FAM184B: variants seen among roughly 807,000 people sequenced by gnomAD.
FAM184B encodes the protein protein FAM184B.
A neutral mutation model predicts 135.9 loss-of-function variants in FAM184B; 111 were observed. The observed-to-expected ratio is 0.82, with a 90% CI of 0.70 to 0.96. The LOEUF is 0.96. Among genes scored for constraint, FAM184B ranks in the 40% least tolerant of loss-of-function variants. FAM184B has a pLI of 0.00. For missense variants in FAM184B, 1,375 were observed against 1,323.9 expected, an observed-to-expected ratio of 1.04 and a Z score of -0.60; for synonymous variants, 552 against 524.8, an observed-to-expected ratio of 1.05 and a Z score of -0.71.
chr4:17,712,151 G>A (rs146364578), intron 1 of FAM184B, among the ~76,000 whole-genome samples: 1 of 152,296 alleles, frequency 6.6e-6, no homozygotes, highest in Non-Finnish European at 1.5e-5. Flanking sequence ...GTTTTATTTG[G>A]TGGGTGTGAC....
chr4:17,652,825 T>C lies in FAM184B; in HGVS notation c.2191+5A>G. 1 of 1,550,364 alleles carries C rather than the reference T, an allele frequency of 6.5e-7. No individual in the cohort carries two copies. Among genetic ancestry groups the C allele is most frequent in the Non-Finnish European group, 8.7e-7 (1 of 1,146,554 alleles). On this transcript the variant is annotated splice_donor_5th_base_variant and intron_variant, in intron 11 of 17. Transcript: ENST00000265018. Reference sequence around the variant, plus strand: ...GCCCTCCTCAGTACACTATTGGGTGTATACCTAGCAGCAGGGCCTGCTGTG... The same window carrying C: ...GCCCTCCTCAGTACACTATTGGGTGCATACCTAGCAGCAGGGCCTGCTGTG...
At chr4:17,638,423 G>A (rs1029168644) in intron 14 of FAM184B, among the ~76,000 whole-genome samples, 10 of 151,636 alleles carry the variant, frequency 6.6e-5, no homozygotes, top group Middle Eastern at 3.4e-3. Context: ...GAACTCCTGG[G>A]CTCAAGCAGT....
At chr4:17,714,979 T>G (rs2108969309) in intron 1 of FAM184B, among the ~76,000 whole-genome samples, 1 of 152,172 alleles carries the variant, frequency 6.6e-6, no homozygotes, top group East Asian at 1.9e-4. Context: ...GTTCCTCCCC[T>G]CCCCTTCCCC....
At chr4:17,649,859 T>C (rs1435630016) in intron 11 of FAM184B, among the ~76,000 whole-genome samples, 1 of 125,290 alleles carries the variant, frequency 8.0e-6, no homozygotes, top group African/African-American at 2.6e-5. Context: ...CATCCATCCA[T>C]CCACCCACTC....
intron 6 of FAM184B, 48 bp from the exon 7 acceptor site, chr4:17,688,579 T>A: frequency 1.5e-6 from 2 of 1,355,916 alleles, no homozygotes; most frequent in African/African-American, 1.5e-5. Context: ...AGGTTCTACC[T>A]CCTCGATACA....
rs894081148 is a variant in FAM184B at position 17,688,502 on chromosome 4, T to C, written c.1518A>G (p.Gln506=). The C allele has an allele frequency of 6.4e-7, 1 of 1,550,910 alleles. No homozygotes were observed. The highest frequency in any genetic ancestry group is 8.7e-7 in the Non-Finnish European group (1 of 1,146,838). ...CAGCTCCTGTGGGGCGTGTCTTATT[T>C]TGTTGGATAAATTCTTCCAGCCTTA... ...EVLRLEEFIQ[Q]NKTRPTGAEE... Residue 506 remains glutamine (Q), a synonymous_variant, in exon 7 of 18, where the codon CAA becomes CAG. Transcript: ENST00000265018.
intron 1 of FAM184B, among the ~76,000 whole-genome samples, chr4:17,755,765 GGATGGA>G (rs1265850901): frequency 6.6e-6 from 1 of 152,160 alleles, no homozygotes; most frequent in Non-Finnish European, 1.5e-5. Context: ...GCAGGGACAT[GGATGGA>G]GCTGGAAGCC....
At chr4:17,742,141 T>C (rs1290713998) in intron 1 of FAM184B, among the ~76,000 whole-genome samples, 2 of 12,478 alleles carry the variant, frequency 1.6e-4, no homozygotes, top group African/African-American at 2.0e-4. Context: ...CATATGAATA[T>C]ATATATATAT....
chr4:17,652,502 G>A (rs1170765606), intron 11 of FAM184B, among the ~76,000 whole-genome samples: 1 of 152,206 alleles, frequency 6.6e-6, no homozygotes, highest in Non-Finnish European at 1.5e-5. Flanking sequence ...TATACAAAAG[G>A]AAAATGAGAC....
chr4:17,730,164 A>G (rs1717742410), intron 1 of FAM184B, among the ~76,000 whole-genome samples: 1 of 152,254 alleles, frequency 6.6e-6, no homozygotes, highest in African/African-American at 2.4e-5. Flanking sequence ...AAAGGGTATC[A>G]GTAATGGAAG....
chr4:17,645,884 A>C (rs1234059116), intron 12 of FAM184B, among the ~76,000 whole-genome samples: 1 of 151,912 alleles, frequency 6.6e-6, no homozygotes, highest in Non-Finnish European at 1.5e-5. Flanking sequence ...TTTACAACAA[A>C]AAAACAAACA....
At chr4:17,734,985 G>C (rs944356501) in intron 1 of FAM184B, among the ~76,000 whole-genome samples, 11 of 152,106 alleles carry the variant, frequency 7.2e-5, no homozygotes, top group Non-Finnish European at 1.6e-4. Flanking sequence ...TATACACCAT[G>C]GAATACTATG....
rs535079265 is a variant in FAM184B, at chr4:17,742,295, C to G, written c.142-32651G>C. Among the ~76,000 whole-genome samples, 33 of 151,600 alleles carry G rather than the reference C, an allele frequency of 2.2e-4. No homozygotes were observed. In the East Asian group the frequency reaches 6.2e-3, roughly 29 times the overall value. ...CCAGCCTGGGCAACACAGCAAGACCCCCATCTCTACAAAAAATTTAAAAAA... is the reference window on the plus strand; with the variant it reads ...CCAGCCTGGGCAACACAGCAAGACCGCCATCTCTACAAAAAATTTAAAAAA... On this transcript the variant is annotated intron_variant, in intron 1 of 17. Transcript: ENST00000265018.
intron 1 of FAM184B, among the ~76,000 whole-genome samples, chr4:17,753,033 C>T (rs1284174856): frequency 1.3e-5 from 2 of 152,172 alleles, no homozygotes; most frequent in Non-Finnish European, 2.9e-5. Flanking sequence ...AAGGTCTTTT[C>T]AATTTGGTAG....
chr4:17,643,124 G>T lies in FAM184B; in HGVS notation c.2347-896C>A, dbSNP rs1410377461. On this transcript the variant is annotated intron_variant, in intron 12 of 17. Coordinates refer to ENST00000265018, the MANE Select transcript of FAM184B (RefSeq NM_015688.2). ...GCAAGAGCAGGGGGGTTACTGCTCT[G>T]TGGGGACAATCCTTGACCAATGGAG... is the stretch of plus-strand genomic sequence containing the variant. Among the ~76,000 whole-genome samples, 4 of 152,230 alleles carry T rather than the reference G, an allele frequency of 2.6e-5. No individual in the cohort carries two copies. In the East Asian group the frequency reaches 7.7e-4, roughly 29 times the overall value.
rs767950097 is a variant in FAM184B at position 17,629,343 on chromosome 4, C to G, written c.*3189G>C. 1.3e-5 allele frequency: 2 copies of G among 152,074 alleles called. No individual in the cohort carries two copies. The highest frequency in any genetic ancestry group is 2.9e-5 in the Non-Finnish European group (2 of 68,028). The allele number at this position is 152,074 out of a possible 1,614,324, so 9.4% of individuals were successfully genotyped here. On this transcript the variant is annotated 3_prime_UTR_variant, in exon 18 of 18. Coordinates refer to ENST00000265018, the MANE Select transcript of FAM184B (RefSeq NM_015688.2). ...CAGTAAGATGGTCCCTATCATAGTT[C>G]CATTTAATTTGCCAGCCTCATCTGC...
chr4:17,685,198 TA>T (rs56051873), intron 7 of FAM184B, among the ~76,000 whole-genome samples: 1,053 of 103,500 alleles, frequency 0.01, 4 homozygotes, highest in Middle Eastern at 0.021. Context: ...CCCTGGAACT[TA>T]AAAAAAAAAA....
chr4:17,696,438 C>T (rs765982619), intron 5 of FAM184B, among the ~76,000 whole-genome samples: 6 of 152,118 alleles, frequency 3.9e-5, no homozygotes, highest in Admixed American at 6.5e-5. Context: ...CATTAAGAAC[C>T]GGACGGGACC....
At chr4:17,692,039 G>A (rs1164705020) in intron 6 of FAM184B, among the ~76,000 whole-genome samples, 1 of 139,236 alleles carries the variant, frequency 7.2e-6, no homozygotes, top group Non-Finnish European at 1.5e-5. Flanking sequence ...GCAACAGAGC[G>A]AGACTCCGTC....
Sources: gnomAD v4.1 joint callset for allele counts (sites outside exome capture counted in the v4.1 genomes callset) on GRCh38, gnomAD v4.1.1 for gene constraint, MANE v1.5 for transcripts, NCBI Gene and HGNC (gene_info 2026-07-23, HGNC 2026-07-21) for gene names.